Variants in PDK1 observed in about 807,000 individuals in gnomAD.
PDK1 encodes [Pyruvate dehydrogenase (acetyl-transferring)] kinase isozyme 1, mitochondrial.
A neutral mutation model predicts 54.2 loss-of-function variants in PDK1; 39 were observed. The ratio of observed to expected loss-of-function variants is 0.72; its 90% confidence interval spans 0.56 to 0.94. The LOEUF is 0.94. Ranked by LOEUF, PDK1 falls within the 40% of genes least tolerant of loss-of-function variation. The probability of loss-of-function intolerance (pLI) is 0.00; values close to 1 mark genes in which losing one functional copy is unlikely to be tolerated. For missense variants in PDK1, 552 were observed against 566.0 expected (o/e 0.98, Z 0.25); for synonymous variants, 221 against 207.1 (o/e 1.07, Z -0.58).
chr2:172,673,380 TA>T, the PDK1 span, among the ~76,000 whole-genome samples: 1 of 152,224 alleles, frequency 6.6e-6, no homozygotes, highest in Non-Finnish European at 1.5e-5. Context: ...TGTCCCTTAA[TA>T]AACATGCTTG....
chr2:172,580,491 A>C (rs1689844769), intron 8 of PDK1, among the ~76,000 whole-genome samples: 1 of 152,118 alleles, frequency 6.6e-6, no homozygotes, highest in Non-Finnish European at 1.5e-5. Flanking sequence ...AGGTTTACTG[A>C]GTTCTTAGAC....
chr2:172,627,259 A>G, the PDK1 span, among the ~76,000 whole-genome samples: 1 of 152,230 alleles, frequency 6.6e-6, no homozygotes, highest in East Asian at 1.9e-4. Context: ...TTTCAATTCA[A>G]CATTCAGACA....
At chr2:172,571,822 A>AG (rs1689274994) in intron 8 of PDK1, among the ~76,000 whole-genome samples, 6 of 91,602 alleles carry the variant, frequency 6.6e-5, no homozygotes, top group African/African-American at 2.9e-4. Context: ...GTCTTTCTTT[A>AG]CTTTTTTTTT....
At chr2:172,588,437 T>C (rs10210546) in intron 9 of PDK1, among the ~76,000 whole-genome samples, 1 of 152,096 alleles carries the variant, frequency 6.6e-6, no homozygotes, top group Non-Finnish European at 1.5e-5. Context: ...AATGGAGTTA[T>C]TGTGAGAATT....
At chr2:172,672,620 C>CT in the PDK1 span, among the ~76,000 whole-genome samples, 11,319 of 147,476 alleles carry the variant, frequency 0.077, 1,027 homozygotes, top group East Asian at 0.51. Context: ...ATTTTTCTTT[C>CT]TTTTTTTTTT....
At chr2:172,700,742 T>C in the PDK1 span, among the ~76,000 whole-genome samples, 28,769 of 152,010 alleles carry the variant, frequency 0.19, 3,314 homozygotes, top group African/African-American at 0.32. Context: ...GAGACTCCAT[T>C]TGCAATCCCA....
At chr2:172,612,443 CAA>C (rs930140830), downstream of PDK1, among the ~76,000 whole-genome samples, 2 of 151,904 alleles carry the variant, frequency 1.3e-5, no homozygotes, top group African/African-American at 4.8e-5. Context: ...CTAACAATGT[CAA>C]GAGGTTTTTT....
chr2:172,588,437 T>G (rs10210546), intron 9 of PDK1, among the ~76,000 whole-genome samples: 20,781 of 152,188 alleles, frequency 0.14, 1,601 homozygotes, highest in African/African-American at 0.19. Context: ...AATGGAGTTA[T>G]TGTGAGAATT....
chr2:172,670,284 C>G, the PDK1 span, among the ~76,000 whole-genome samples: 14 of 152,302 alleles, frequency 9.2e-5, no homozygotes, highest in East Asian at 2.7e-3. Context: ...CTAAAATTTT[C>G]ATATTCTAGG....
chr2:172,708,469 T>C, the PDK1 span, among the ~76,000 whole-genome samples: 1 of 152,106 alleles, frequency 6.6e-6, no homozygotes, highest in Non-Finnish European at 1.5e-5. Flanking sequence ...TGTGGCTTGG[T>C]TTAAGAGAGT....
chr2:172,614,926 C>T, the PDK1 span, among the ~76,000 whole-genome samples: 3 of 152,182 alleles, frequency 2.0e-5, no homozygotes. Context: ...ATTAATTCTT[C>T]ATAAATTTGA....
At chr2:172,618,158 A>G in the PDK1 span, among the ~76,000 whole-genome samples, 2 of 152,208 alleles carry the variant, frequency 1.3e-5, no homozygotes, top group Admixed American at 6.5e-5. Context: ...AACTACCCCT[A>G]CATTCTATAG....
chr2:172,692,855 A>G, the PDK1 span, among the ~76,000 whole-genome samples: 1 of 152,226 alleles, frequency 6.6e-6, no homozygotes, highest in Non-Finnish European at 1.5e-5. Flanking sequence ...GGGGATAATC[A>G]GGTTATGTAA....
At chr2:172,565,257 T>TA (rs1392028224) in intron 5 of PDK1, among the ~76,000 whole-genome samples, 184 bp downstream of exon 5, 6 of 152,200 alleles carry the variant, frequency 3.9e-5, no homozygotes, top group Non-Finnish European at 8.8e-5. Context: ...TTGATAGAAT[T>TA]ATTTGTTAGG....
chr2:172,592,057 C>T lies in PDK1; in HGVS notation c.1057-878C>T, dbSNP rs528350375. On this transcript the variant is annotated intron_variant, in intron 9 of 10. Coordinates refer to ENST00000282077, the MANE Select transcript of PDK1 (RefSeq NM_002610.5). ...GAAGGGAGTTCCTCCTGTGTCTGGT[C>T]GGACCTTCAGATTTAGATCCCCTGT... 3.9e-5 allele frequency among the ~76,000 whole-genome samples: 6 copies of T among 152,272 alleles called. No homozygotes were observed. In the East Asian group the frequency reaches 5.8e-4, roughly 15 times the overall value.
chr2:172,570,850 CTT>C (rs529091195), intron 8 of PDK1, 26 bp downstream of exon 8: 8,380 of 967,132 alleles, frequency 8.7e-3, no homozygotes, highest in South Asian at 0.014. Flanking sequence ...GGTTTGTTTT[CTT>C]TTTTTTTTTT....
At chr2:172,707,092 A>C in the PDK1 span, among the ~76,000 whole-genome samples, 1 of 152,114 alleles carries the variant, frequency 6.6e-6, no homozygotes, top group African/African-American at 2.4e-5. Context: ...ACTCTCTGGT[A>C]GGCCTCCTCT....
chr2:172,721,521 A>G, the PDK1 span, among the ~76,000 whole-genome samples: 1 of 152,142 alleles, frequency 6.6e-6, no homozygotes, highest in Non-Finnish European at 1.5e-5. Context: ...TATTTTTAGC[A>G]GAGACGGGGT....
the PDK1 span, among the ~76,000 whole-genome samples, chr2:172,707,361 G>A: frequency 2.6e-5 from 4 of 152,172 alleles, no homozygotes; most frequent in African/African-American, 4.8e-5. Context: ...TGGCATGGGC[G>A]GGAGTGGGAC....
Sources: allele counts gnomAD v4.1 joint callset (sites outside exome capture counted in the v4.1 genomes callset), GRCh38; gene constraint gnomAD v4.1.1; transcripts MANE v1.5; gene names NCBI Gene and HGNC (gene_info 2026-07-23, HGNC 2026-07-21).